Variants in YTHDC2 observed in about 807,000 individuals in gnomAD.
YTHDC2 encodes the protein YTH N6-methyladenosine RNA binding protein C2.
A neutral mutation model predicts 174.9 loss-of-function variants in YTHDC2; 45 were observed. The observed-to-expected ratio is 0.26, with a 90% CI of 0.20 to 0.33. The LOEUF (loss-of-function observed/expected upper bound fraction) is 0.33. Ranked by LOEUF, YTHDC2 falls within the 10% of genes least tolerant of loss-of-function variation. The pLI, the probability that YTHDC2 is intolerant of heterozygous loss-of-function variation, is 1.00. For synonymous variants in YTHDC2, 657 were observed against 574.5 expected, an observed-to-expected ratio of 1.14 and a Z score of -2.05; for missense variants, 1,650 against 1,723.7, an observed-to-expected ratio of 0.96 and a Z score of 0.76.
intron 23 of YTHDC2, among the ~76,000 whole-genome samples, chr5:113,572,893 G>T (rs1777822804): frequency 6.6e-6 from 1 of 152,134 alleles, no homozygotes; most frequent in Admixed American, 6.6e-5. Context: ...ATACTCGTGG[G>T]TCTTGGCTCT....
At chr5:113,574,370 T>C (rs569528922) in intron 23 of YTHDC2, among the ~76,000 whole-genome samples, 1 of 152,284 alleles carries the variant, frequency 6.6e-6, no homozygotes, top group East Asian at 1.9e-4. Flanking sequence ...GGCCTGTTGC[T>C]GGCCCACATG....
intron 22 of YTHDC2, 152 bp downstream of exon 22, chr5:113,567,449 T>G (rs1346232800): frequency 2.1e-6 from 1 of 485,722 alleles, no homozygotes; most frequent in Non-Finnish European, 3.1e-6. Flanking sequence ...GGAACAAAAC[T>G]TATAAATTTT....
rs540525886 is a variant in YTHDC2 at position 113,586,639 on chromosome 5, C to T, written c.3825+2160C>T. 4.0e-4 allele frequency among the ~76,000 whole-genome samples: 60 copies of T among 151,498 alleles called. 1 individual carries two copies. The Middle Eastern group carries it at 0.017, about 43-fold the overall frequency. On this transcript the variant is annotated intron_variant, in intron 26 of 29. Coordinates refer to ENST00000161863, the MANE Select transcript of YTHDC2 (RefSeq NM_022828.5). ...TTTTAGAAGTTTTATAGTTGGCAATCTTACATTTTAGATATATGATTTATT... is the reference window on the plus strand; with the variant it reads ...TTTTAGAAGTTTTATAGTTGGCAATTTTACATTTTAGATATATGATTTATT...
chr5:113,549,422 G>T (rs1285846086), intron 12 of YTHDC2, among the ~76,000 whole-genome samples: 1 of 152,104 alleles, frequency 6.6e-6, no homozygotes, highest in African/African-American at 2.4e-5. Context: ...GATTGACTTA[G>T]CAGAACTAAG....
At chr5:113,580,818 G>A (rs905948863) in intron 24 of YTHDC2, among the ~76,000 whole-genome samples, 23 of 152,120 alleles carry the variant, frequency 1.5e-4, no homozygotes, top group African/African-American at 5.3e-4. Flanking sequence ...ACTAGTTACT[G>A]TAACATTAAT....
rs1561710683 is a variant in YTHDC2, at chr5:113,586,950, TAA to T, written c.3825+2472_3825+2473del. Among the ~76,000 whole-genome samples the T allele has an allele frequency of 7.8e-3, 687 of 88,150 alleles. 10 individuals carry two copies. The highest frequency in any genetic ancestry group is 0.032 in the African/African-American group (654 of 20,690). 57.8% of individuals were successfully genotyped at this position (88,150 alleles called of 152,430 possible). Reference sequence around the variant, plus strand: ...TAAATATATATTATGTATTCATATATAATATATAAATATATATTATGTATTCA... The same window carrying T: ...TAAATATATATTATGTATTCATATATTATATAAATATATATTATGTATTCA... On this transcript the variant is annotated intron_variant, in intron 26 of 29. Transcript: ENST00000161863.
intron 20 of YTHDC2, 122 bp from the exon 21 acceptor site, chr5:113,565,771 A>G: frequency 2.1e-6 from 2 of 947,316 alleles, no homozygotes; most frequent in East Asian, 3.0e-5. Context: ...TAGATTTTAT[A>G]GAAAATTAGA....
chr5:113,561,957 G>GGGGTGTGTGT (rs1554099023), intron 18 of YTHDC2, among the ~76,000 whole-genome samples: 12 of 134,962 alleles, frequency 8.9e-5, no homozygotes, highest in Admixed American at 3.1e-4. Flanking sequence ...ATTAATTGTG[G>GGGGTGTGTGT]GTGTGTGTGT....
At chr5:113,563,344 A>T (rs990223620) in intron 18 of YTHDC2, 29 bp from the exon 19 acceptor site, 1 of 1,555,192 alleles carries the variant, frequency 6.4e-7, no homozygotes. Context: ...TTTTAATTTT[A>T]AAAAATTATT....
At chr5:113,524,952 G>A in intron 2 of YTHDC2, 29 bp from the exon 3 acceptor site, 1 of 1,491,886 alleles carries the variant, frequency 6.7e-7, no homozygotes. Flanking sequence ...ACTTTATATA[G>A]TAAATAAATG....
chr5:113,549,052 A>T, intron 12 of YTHDC2, 32 bp downstream of exon 12: 1 of 1,558,256 alleles, frequency 6.4e-7, no homozygotes, highest in Non-Finnish European at 8.8e-7. Flanking sequence ...AATTAATTCT[A>T]CCGTCTCTTA....
chr5:113,535,259 T>C (rs942978042), intron 6 of YTHDC2, among the ~76,000 whole-genome samples: 22 of 152,196 alleles, frequency 1.4e-4, no homozygotes, highest in African/African-American at 5.1e-4. Context: ...ACTATTTACC[T>C]AGCATTACAC....
Position 113,563,931 on chromosome 5 carries a change from C to A in YTHDC2, c.2515C>A (p.Pro839Thr). ...TCATTTGGCTGACTTGCCAGTAGAA[C>A]CACATCTTGGTAAAATGGTCTTGTG... Reference protein sequence around the residue: ...GYHLADLPVEPHLGKMVLCAV... With the variant: ...GYHLADLPVETHLGKMVLCAV... The change falls in exon 20 of 30, where the codon CCA (proline) becomes ACA (threonine). Residue 839 changes from proline (P) to threonine (T), a missense_variant. Around this residue, in one of 5 missense-constraint regions of YTHDC2, gnomAD observed 913 missense variants for 940.4 expected, o/e 0.97. Coordinates refer to ENST00000161863, the MANE Select transcript of YTHDC2 (RefSeq NM_022828.5). 6.2e-7 allele frequency: 1 copy of A among 1,614,144 alleles called. No homozygotes were observed. The highest frequency in any genetic ancestry group is 8.5e-7 in the Non-Finnish European group (1 of 1,180,016).
chr5:113,575,585 A>G (rs1045915761), intron 23 of YTHDC2, among the ~76,000 whole-genome samples: 1 of 152,174 alleles, frequency 6.6e-6, no homozygotes, highest in African/African-American at 2.4e-5. Context: ...TGTGCTAGGA[A>G]ATTATCTAGG....
At chr5:113,528,069 A>G (rs976689352) in intron 4 of YTHDC2, among the ~76,000 whole-genome samples, 7 of 152,332 alleles carry the variant, frequency 4.6e-5, no homozygotes, top group Admixed American at 1.3e-4. Flanking sequence ...GCCATTAAGT[A>G]TTAATTGTAG....
Position 113,526,592 on chromosome 5 carries a change from G to A in YTHDC2, c.482G>A (p.Arg161Gln), listed in dbSNP as rs1456391474. 9.8e-6 allele frequency: 15 copies of A among 1,534,854 alleles called. No homozygotes were observed. The highest frequency in any genetic ancestry group is 1.4e-5 in the African/African-American group (1 of 71,804). Residue 161 changes from arginine to glutamine, a missense_variant, in exon 4 of 30, where the codon CGG becomes CAG. Physicochemically the swap from Arg to Gln is conservative, Grantham distance 43 (BLOSUM62 1). Around this residue, in one of 5 missense-constraint regions of YTHDC2, gnomAD observed 304 missense variants for 341.4 expected, o/e 0.89. Coordinates refer to ENST00000161863, the MANE Select transcript of YTHDC2 (RefSeq NM_022828.5). ...CTTTTATTCATTTTCAAAGAAAACCGGGAAATGAGCAAGACAAGTGGGCGA... is the reference window on the plus strand; with the variant it reads ...CTTTTATTCATTTTCAAAGAAAACCAGGAAATGAGCAAGACAAGTGGGCGA... ...GNVFAVEAENREMSKTSGRLN... is the reference protein window; with the variant it reads ...GNVFAVEAENQEMSKTSGRLN...
intron 23 of YTHDC2, among the ~76,000 whole-genome samples, chr5:113,577,618 C>T (rs1264109001): frequency 3.9e-5 from 6 of 152,178 alleles, no homozygotes; most frequent in Non-Finnish European, 8.8e-5. Flanking sequence ...AATCTGCTCA[C>T]CTCGGTCTCC....
intron 12 of YTHDC2, among the ~76,000 whole-genome samples, chr5:113,549,874 TGTA>T (rs1057489831): frequency 5.3e-5 from 8 of 150,618 alleles, no homozygotes; most frequent in Non-Finnish European, 1.5e-5. Context: ...AGCAACTAGA[TGTA>T]GTAGATGTGC....
At chr5:113,554,127 C>CTTGG (rs1776447744) in intron 16 of YTHDC2, 105 bp downstream of exon 16, 1 of 652,754 alleles carries the variant, frequency 1.5e-6, no homozygotes, top group Non-Finnish European at 2.0e-6. Flanking sequence ...AATTTTACCT[C>CTTGG]TACTCAAGAC....
Sources: gnomAD v4.1 joint callset for allele counts (sites outside exome capture counted in the v4.1 genomes callset) on GRCh38, gnomAD v4.1.1 for gene constraint, gnomAD v4.1.1 regional missense constraint, MANE v1.5 for transcripts, NCBI Gene and HGNC (gene_info 2026-07-23, HGNC 2026-07-21) for gene names.